The following RBFOX1 variants were observed in gnomAD, a reference collection of about 807,000 sequenced individuals.
RBFOX1 encodes RNA binding fox-1 homolog 1.
RBFOX1 carries 8 observed loss-of-function variants against 57.7 expected under a neutral mutation model. That is an observed-to-expected ratio of 0.14 (90% confidence interval 0.08 to 0.25). RBFOX1 has a LOEUF of 0.25. Ranked by LOEUF, RBFOX1 falls within the 10% of genes least tolerant of loss-of-function variation. The probability of loss-of-function intolerance (pLI) is 1.00; values close to 1 mark genes in which losing one functional copy is unlikely to be tolerated. For synonymous variants in RBFOX1, 326 were observed against 222.4 expected (o/e 1.47, Z -4.15); for missense variants, 611 against 548.5 (o/e 1.11, Z -1.14).
intron 4 of RBFOX1, among the ~76,000 whole-genome samples, chr16:5,881,995 T>G (rs892077935): frequency 6.6e-5 from 10 of 152,196 alleles, no homozygotes; most frequent in African/African-American, 2.4e-4. Context: ...TATTATCTTC[T>G]GAGTATTTTA....
At position 6,637,400 on chromosome 16, in the gene RBFOX1, AATAT is replaced by A. The variant is rs1158598966; in HGVS notation, c.-63-17196_-63-17193del. Among the ~76,000 whole-genome samples the A allele has an allele frequency of 1.4e-3, 104 of 71,892 alleles. 1 individual carries two copies. Among genetic ancestry groups the A allele is most frequent in the African/African-American group, 6.4e-3 (102 of 15,972 alleles). The allele number at this position is 71,892 out of a possible 152,430, so 47.2% of individuals were successfully genotyped here. A position where few individuals can be genotyped will look rare whatever the true frequency, so the allele number is the denominator to read the frequency against. ...ATATACAAATATATATTATATATTA[AATAT>A]ATATATTATATAATATATAAATATA... On this transcript the variant is annotated intron_variant, in intron 2 of 15. Transcript: ENST00000550418.
chr16:5,566,364 C>A (rs1212660828), intron 2 of RBFOX1, among the ~76,000 whole-genome samples: 1 of 152,020 alleles, frequency 6.6e-6, no homozygotes, highest in Non-Finnish European at 1.5e-5. Flanking sequence ...CATCGGGCTG[C>A]AAATGGTGGC....
chr16:6,883,293 C>A (rs2063329027), intron 3 of RBFOX1, among the ~76,000 whole-genome samples: 1 of 152,084 alleles, frequency 6.6e-6, no homozygotes, highest in South Asian at 2.1e-4. Flanking sequence ...TTGCTTAATG[C>A]TACTTTTTGT....
intron 3 of RBFOX1, among the ~76,000 whole-genome samples, chr16:6,711,838 G>C (rs893209527): frequency 1.3e-5 from 2 of 152,056 alleles, no homozygotes; most frequent in Non-Finnish European, 2.9e-5. Context: ...ACCTTCCCCA[G>C]GTACCCCTAG....
chr16:5,818,642 C>T lies in RBFOX1; in HGVS notation c.319-48661C>T, dbSNP rs571805250. On this transcript the variant is annotated intron_variant, in intron 3 of 19. Coordinates refer to the RBFOX1 transcript ENST00000641259. ...GAGAAATTAGAAGAATTAGATAGGA[C>T]CCTTGTTTTCAAAAAGTTGTCAGCA... Among the ~76,000 whole-genome samples, 23 of 152,268 alleles carry T rather than the reference C, an allele frequency of 1.5e-4. 1 individual carries two copies. In the South Asian group the frequency reaches 4.6e-3, roughly 30 times the overall value.
chr16:7,035,117 G>C (rs532414763), intron 3 of RBFOX1, among the ~76,000 whole-genome samples: 1 of 151,684 alleles, frequency 6.6e-6, no homozygotes, highest in Non-Finnish European at 1.5e-5. Context: ...CAAAGTGCTG[G>C]GATTACAGGT....
chr16:7,644,815 C>G (rs1397557759), intron 11 of RBFOX1, among the ~76,000 whole-genome samples: 3 of 152,070 alleles, frequency 2.0e-5, no homozygotes, highest in African/African-American at 4.8e-5. Flanking sequence ...TAACTGGTAA[C>G]AGTTGTGGGT....
At chr16:7,243,154 C>T (rs539789556) in intron 4 of RBFOX1, among the ~76,000 whole-genome samples, 70 of 152,166 alleles carry the variant, frequency 4.6e-4, no homozygotes, top group African/African-American at 1.6e-3. Flanking sequence ...GTAACACACC[C>T]AGTATTAAAT....
At chr16:6,074,598 G>T (rs768198189) in intron 1 of RBFOX1, among the ~76,000 whole-genome samples, 2 of 152,172 alleles carry the variant, frequency 1.3e-5, no homozygotes, top group Non-Finnish European at 2.9e-5. Flanking sequence ...GTCTTGCAGT[G>T]GGGGAGAAAG....
At chr16:5,941,170 A>C (rs1005615119) in intron 4 of RBFOX1, among the ~76,000 whole-genome samples, 3 of 152,162 alleles carry the variant, frequency 2.0e-5, no homozygotes, top group African/African-American at 7.2e-5. Flanking sequence ...GTGTGGAGAA[A>C]GTCACTACAA....
intron 4 of RBFOX1, among the ~76,000 whole-genome samples, chr16:7,230,924 A>T (rs1469510840): frequency 6.6e-5 from 10 of 152,122 alleles, no homozygotes; most frequent in Admixed American, 2.0e-4. Context: ...TACTGGTGTT[A>T]ATTTTACCTT....
chr16:6,365,446 G>T (rs1266727030), intron 2 of RBFOX1, among the ~76,000 whole-genome samples: 1 of 139,398 alleles, frequency 7.2e-6, no homozygotes, highest in African/African-American at 3.2e-5. Flanking sequence ...GTGAATGGAT[G>T]GGTGGATGGG....
intron 13 of RBFOX1, among the ~76,000 whole-genome samples, chr16:7,674,716 A>C (rs1043440665): frequency 6.6e-6 from 1 of 152,230 alleles, no homozygotes; most frequent in African/African-American, 2.4e-5. Context: ...TTTGCTGTGC[A>C]GCGGAATCCC....
At chr16:6,567,217 G>T (rs902433846) in intron 2 of RBFOX1, among the ~76,000 whole-genome samples, 2 of 152,152 alleles carry the variant, frequency 1.3e-5, no homozygotes, top group Non-Finnish European at 2.9e-5. Context: ...GGGGAATGAT[G>T]AATAGCAGCT....
intron 2 of RBFOX1, among the ~76,000 whole-genome samples, chr16:6,577,526 T>C (rs910596019): frequency 2.0e-5 from 3 of 152,220 alleles, no homozygotes; most frequent in African/African-American, 7.2e-5. Flanking sequence ...CTCAGTGATA[T>C]AACACAACAA....
intron 2 of RBFOX1, among the ~76,000 whole-genome samples, chr16:6,326,996 T>C (rs1166018480): frequency 1.3e-5 from 2 of 152,190 alleles, no homozygotes; most frequent in South Asian, 2.1e-4. Context: ...GGGACCTTCT[T>C]TGTGCTCGTT....
intron 4 of RBFOX1, among the ~76,000 whole-genome samples, chr16:5,963,168 C>T (rs2059783439): frequency 6.6e-6 from 1 of 152,140 alleles, no homozygotes; most frequent in East Asian, 1.9e-4. Flanking sequence ...ATTTTAGATG[C>T]CCACATCCGT....
chr16:6,526,794 C>G (rs143224974), intron 2 of RBFOX1, among the ~76,000 whole-genome samples: 2,620 of 124,778 alleles, frequency 0.021, 31 homozygotes, highest in Middle Eastern at 0.13. Flanking sequence ...TGCACTACCA[C>G]ACTCCACCCT....
intron 5 of RBFOX1, among the ~76,000 whole-genome samples, chr16:7,524,443 A>T (rs2078221392): frequency 6.6e-6 from 1 of 152,212 alleles, no homozygotes; most frequent in African/African-American, 2.4e-5. Flanking sequence ...TGACAGAGCC[A>T]ATACTGTATT....
Sources: allele counts gnomAD v4.1 joint callset (sites outside exome capture counted in the v4.1 genomes callset), GRCh38; gene constraint gnomAD v4.1.1; transcripts MANE v1.5; gene names NCBI Gene and HGNC (gene_info 2026-07-23, HGNC 2026-07-21).